Variants in LARS2 observed in about 807,000 individuals in gnomAD.
The protein encoded by LARS2 is leucine--tRNA ligase, mitochondrial.
LARS2 carries 81 observed loss-of-function variants against 116.6 expected under a neutral mutation model. That is an observed-to-expected ratio of 0.69 (90% confidence interval 0.58 to 0.84). The LOEUF is 0.84. Among genes scored for constraint, LARS2 ranks in the 40% least tolerant of loss-of-function variants. The pLI is 0.00. For missense variants in LARS2, 968 were observed against 1,114.5 expected, an observed-to-expected ratio of 0.87 and a Z score of 1.87; for synonymous variants, 396 against 407.2, an observed-to-expected ratio of 0.97 and a Z score of 0.33.
chr3:45,483,806 T>C (rs1699746355), intron 10 of LARS2, among the ~76,000 whole-genome samples: 1 of 152,170 alleles, frequency 6.6e-6, no homozygotes, highest in Non-Finnish European at 1.5e-5. Context: ...TGCATTTCAC[T>C]GTTTCCCTAC....
chr3:45,421,068 A>G (rs1362320083), intron 6 of LARS2: 1 of 152,178 alleles, frequency 6.6e-6, no homozygotes. Context: ...AGTGACTTTT[A>G]TAGCTGAGCA....
chr3:45,398,874 A>G (rs1432392975), intron 3 of LARS2, among the ~76,000 whole-genome samples: 1 of 152,178 alleles, frequency 6.6e-6, no homozygotes, highest in Non-Finnish European at 1.5e-5. Flanking sequence ...CCCCATGAAC[A>G]GTAGGTCCCC....
intron 14 of LARS2, among the ~76,000 whole-genome samples, chr3:45,497,873 C>G (rs2125738023): frequency 6.6e-6 from 1 of 151,742 alleles, no homozygotes; most frequent in South Asian, 2.1e-4. Context: ...TGCCACTGCA[C>G]TCCAGCCTGG....
At chr3:45,468,898 G>A (rs1406553273) in intron 8 of LARS2, among the ~76,000 whole-genome samples, 1 of 152,182 alleles carries the variant, frequency 6.6e-6, no homozygotes, top group Non-Finnish European at 1.5e-5. Context: ...TCTAGCACCA[G>A]TGACACCATT....
At chr3:45,520,193 G>A (rs1397707469) in intron 18 of LARS2, 26 bp from the exon 19 acceptor site, 8 of 1,526,184 alleles carry the variant, frequency 5.2e-6, no homozygotes, top group Non-Finnish European at 5.4e-6. Context: ...TTTGAAATAA[G>A]TAAATAATTG....
At chr3:45,493,679 GTAT>G (rs1324767072) in intron 13 of LARS2, among the ~76,000 whole-genome samples, 2 of 152,004 alleles carry the variant, frequency 1.3e-5, no homozygotes, top group African/African-American at 4.8e-5. Flanking sequence ...CTACTACCCA[GTAT>G]TATTATTATT....
At chr3:45,476,113 C>A (rs1485136029) in intron 9 of LARS2, among the ~76,000 whole-genome samples, 1 of 149,630 alleles carries the variant, frequency 6.7e-6, no homozygotes, top group Non-Finnish European at 1.5e-5. Flanking sequence ...GAAAATATAG[C>A]TTCTTTCTCA....
intron 15 of LARS2, among the ~76,000 whole-genome samples, chr3:45,504,338 T>G (rs1219006937): frequency 6.6e-6 from 1 of 152,056 alleles, no homozygotes; most frequent in African/African-American, 2.4e-5. Context: ...AGAAACCCAT[T>G]TTCATTACAA....
chr3:45,410,581 G>A (rs1698315219), intron 4 of LARS2, among the ~76,000 whole-genome samples: 1 of 152,130 alleles, frequency 6.6e-6, no homozygotes, highest in South Asian at 2.1e-4. Context: ...GGCCCACTGG[G>A]TATTGGTACT....
chr3:45,460,131 A>C (rs1478658835), intron 8 of LARS2, among the ~76,000 whole-genome samples: 1 of 152,248 alleles, frequency 6.6e-6, no homozygotes, highest in South Asian at 2.1e-4. Flanking sequence ...CATAAAAGAC[A>C]TGTCTTAAAT....
intron 4 of LARS2, among the ~76,000 whole-genome samples, chr3:45,414,058 C>G (rs1698376533): frequency 6.6e-6 from 1 of 152,144 alleles, no homozygotes; most frequent in East Asian, 1.9e-4. Flanking sequence ...TTTTTCATAC[C>G]CTTTTACCCT....
chr3:45,434,996 C>A (rs2125697041), intron 6 of LARS2, among the ~76,000 whole-genome samples: 1 of 152,314 alleles, frequency 6.6e-6, no homozygotes, highest in South Asian at 2.1e-4. Context: ...TTAATTTTAT[C>A]TGCAGCATCC....
chr3:45,491,629 G>C lies in LARS2; in HGVS notation c.1352G>C (p.Arg451Pro). Residue 451 changes from arginine (R) to proline (P), a missense_variant, in exon 13 of 22, where the codon CGG (arginine) becomes CCG (proline). By Grantham distance (103) the Arg-to-Pro change is moderately radical. Coordinates refer to ENST00000645846, the MANE Select transcript of LARS2 (RefSeq NM_015340.4). ...SDKLKDWLIS[R>P]QRYWGTPIPI... ...AAACTGAAAGACTGGCTGATTTCAC[G>C]GCAGCGGTACTGGGGCACACCAATC... 1 of 1,614,182 alleles carries C rather than the reference G, an allele frequency of 6.2e-7. No homozygotes were observed. Among genetic ancestry groups the C allele is most frequent in the Non-Finnish European group, 8.5e-7 (1 of 1,180,034 alleles).
chr3:45,474,150 C>A, intron 8 of LARS2, 93 bp from the exon 9 acceptor site: 2 of 722,954 alleles, frequency 2.8e-6, no homozygotes, highest in Admixed American at 2.3e-5. Flanking sequence ...TTTAGTGTCC[C>A]TGCTTTTCCT....
At chr3:45,446,751 A>C (rs904707380) in intron 6 of LARS2, 140 bp from the exon 7 acceptor site, 2 of 571,942 alleles carry the variant, frequency 3.5e-6, no homozygotes, top group Admixed American at 3.4e-5. Flanking sequence ...TCCTTACTTT[A>C]CAAACTGGTG....
At chr3:45,417,637 T>G in intron 5 of LARS2, 64 bp downstream of exon 5, 1 of 1,118,050 alleles carries the variant, frequency 8.9e-7, no homozygotes, top group Non-Finnish European at 1.3e-6. Flanking sequence ...TTTTTTAACC[T>G]GTGCTTAAAA....
At chr3:45,511,263 T>G (rs2125749034) in intron 15 of LARS2, among the ~76,000 whole-genome samples, 1 of 152,290 alleles carries the variant, frequency 6.6e-6, no homozygotes. Flanking sequence ...GGTCTTGGTG[T>G]GGGTGCACTG....
chr3:45,453,379 G>T (rs1699166101), intron 7 of LARS2, among the ~76,000 whole-genome samples: 1 of 152,154 alleles, frequency 6.6e-6, no homozygotes. Context: ...GTTATTAATG[G>T]TTTATTATGC....
intron 6 of LARS2, chr3:45,421,452 G>C (rs776537217): frequency 2.6e-5 from 4 of 152,188 alleles, no homozygotes; most frequent in Non-Finnish European, 5.9e-5. Flanking sequence ...CTAATTCAAT[G>C]ATGTAGATAA....
Sources: gnomAD v4.1 joint callset for allele counts (sites outside exome capture counted in the v4.1 genomes callset) on GRCh38, gnomAD v4.1.1 for gene constraint, MANE v1.5 for transcripts, NCBI Gene and HGNC (gene_info 2026-07-23, HGNC 2026-07-21) for gene names.